CNTNAP5: variants seen among roughly 807,000 people sequenced by gnomAD.
The protein encoded by CNTNAP5 is contactin-associated protein-like 5.
CNTNAP5 carries 72 observed loss-of-function variants against 150.2 expected under a neutral mutation model. That is an observed-to-expected ratio of 0.48 (90% CI 0.40 to 0.58). The LOEUF is 0.58. Ranked by LOEUF, CNTNAP5 falls within the 20% of genes least tolerant of loss-of-function variation. The pLI, the probability that CNTNAP5 is intolerant of heterozygous loss-of-function variation, is 0.00. For synonymous variants in CNTNAP5, 672 were observed against 619.8 expected (o/e 1.08, Z -1.25); for missense variants, 1,636 against 1,626.2 (o/e 1.01, Z -0.10).
chr2:124,090,779 A>G (rs2104685783), intron 1 of CNTNAP5, among the ~76,000 whole-genome samples: 1 of 152,328 alleles, frequency 6.6e-6, no homozygotes, highest in African/African-American at 2.4e-5. Flanking sequence ...TTTTCAAACC[A>G]TTATTATCAG....
chr2:124,025,384 G>C lies in CNTNAP5; in HGVS notation c.-267G>C, dbSNP rs1680851275. 5.7e-6 allele frequency: 3 copies of C among 527,388 alleles called. No homozygotes were observed. The highest frequency in any genetic ancestry group is 3.1e-5 in the Admixed American group (1 of 31,794). The allele number at this position is 527,388 out of a possible 1,614,324, so 32.7% of individuals were successfully genotyped here. Reference sequence around the variant, plus strand: ...GTTTGGATTTGCACCGTTAAGGAGGGGGGAAGAGAAGGAAGAGGCGGGCGA... The same window carrying C: ...GTTTGGATTTGCACCGTTAAGGAGGCGGGAAGAGAAGGAAGAGGCGGGCGA... On this transcript the variant is annotated 5_prime_UTR_variant, in exon 1 of 24. Transcript: ENST00000682447.
At chr2:124,468,998 C>T (rs942146521) in intron 6 of CNTNAP5, among the ~76,000 whole-genome samples, 5 of 152,216 alleles carry the variant, frequency 3.3e-5, no homozygotes, top group Non-Finnish European at 7.3e-5. Context: ...ATGGGTACTT[C>T]TGGAGGCAGT....
chr2:124,772,000 A>G (rs1477596275), intron 16 of CNTNAP5, among the ~76,000 whole-genome samples: 1 of 151,268 alleles, frequency 6.6e-6, no homozygotes, highest in Non-Finnish European at 1.5e-5. Flanking sequence ...CACCACCACC[A>G]TCACCATCAT....
chr2:124,727,298 T>C (rs1680178179), intron 13 of CNTNAP5, among the ~76,000 whole-genome samples: 1 of 152,066 alleles, frequency 6.6e-6, no homozygotes, highest in Admixed American at 6.6e-5. Flanking sequence ...AGGATTGATT[T>C]GACTATTCAG....
chr2:124,302,758 A>T (rs1191691577), intron 3 of CNTNAP5, among the ~76,000 whole-genome samples: 1 of 152,178 alleles, frequency 6.6e-6, no homozygotes, highest in African/African-American at 2.4e-5. Flanking sequence ...TGTCATCTGT[A>T]GATTTGGCTC....
chr2:124,870,375 G>A (rs1413481402), intron 21 of CNTNAP5, among the ~76,000 whole-genome samples: 1 of 151,650 alleles, frequency 6.6e-6, no homozygotes. Flanking sequence ...CTTAGTGTTT[G>A]CCTGGCCTCT....
chr2:124,356,248 T>G (rs1252185775), intron 3 of CNTNAP5, among the ~76,000 whole-genome samples: 1 of 151,948 alleles, frequency 6.6e-6, no homozygotes, highest in East Asian at 1.9e-4. Flanking sequence ...CTCAATTATC[T>G]TAACACTTTA....
At chr2:124,424,354 C>T (rs1392632493) in intron 4 of CNTNAP5, among the ~76,000 whole-genome samples, 1 of 152,170 alleles carries the variant, frequency 6.6e-6, no homozygotes, top group Non-Finnish European at 1.5e-5. Context: ...TCTGTCAGCC[C>T]TCCAAGTGGG....
chr2:124,732,506 A>G (rs1680293258), intron 13 of CNTNAP5, among the ~76,000 whole-genome samples: 1 of 152,054 alleles, frequency 6.6e-6, no homozygotes, highest in Admixed American at 6.6e-5. Flanking sequence ...AAGCCCTTCT[A>G]CCTCGCAAGG....
intron 3 of CNTNAP5, among the ~76,000 whole-genome samples, chr2:124,266,754 T>C (rs1485843926): frequency 6.6e-6 from 1 of 152,174 alleles, no homozygotes; most frequent in Non-Finnish European, 1.5e-5. Flanking sequence ...TGGTCTTCAG[T>C]GCAGATGGAG....
chr2:124,356,350 A>G (rs1690005140), intron 3 of CNTNAP5, among the ~76,000 whole-genome samples: 1 of 149,706 alleles, frequency 6.7e-6, no homozygotes. Flanking sequence ...GTACATGTGC[A>G]CATTGTGCAG....
Position 124,558,450 on chromosome 2 carries a change from C to T in CNTNAP5, c.1650-4767C>T, listed in dbSNP as rs182636227. 1.9e-3 allele frequency among the ~76,000 whole-genome samples: 15 copies of T among 7,848 alleles called. No homozygotes were observed. The East Asian group carries it at 0.063, about 33-fold the overall frequency. 5.1% of individuals were successfully genotyped at this position (7,848 alleles called of 152,430 possible). ...TGGAAAGTAATATCTATTAGACACC[C>T]ACGTGGAGCTGTCCAGCAGACAGCT... On this transcript the variant is annotated intron_variant, in intron 10 of 23. Coordinates refer to ENST00000682447, the MANE Select transcript of CNTNAP5 (RefSeq NM_001367498.1).
At chr2:124,111,086 C>A (rs1683287290) in intron 1 of CNTNAP5, among the ~76,000 whole-genome samples, 1 of 152,092 alleles carries the variant, frequency 6.6e-6, no homozygotes, top group Non-Finnish European at 1.5e-5. Flanking sequence ...ATAAATACTG[C>A]TGGATGGAGC....
intron 3 of CNTNAP5, among the ~76,000 whole-genome samples, chr2:124,286,637 A>G (rs1688158613): frequency 2.0e-5 from 3 of 152,154 alleles, no homozygotes; most frequent in Admixed American, 1.3e-4. Context: ...TGAATTTCCA[A>G]AAAGCCCCCA....
chr2:124,369,874 G>T lies in CNTNAP5; in HGVS notation c.382-47569G>T, dbSNP rs185936206. ...GAAAGAGCACAGAAATTTATAATCA[G>T]AGCAATCTGGGGTCAGTTTCACTAG... is the stretch of plus-strand genomic sequence containing the variant. On this transcript the variant is annotated intron_variant, in intron 3 of 23. Coordinates refer to ENST00000682447, the MANE Select transcript of CNTNAP5 (RefSeq NM_001367498.1). Among the ~76,000 whole-genome samples the T allele has an allele frequency of 2.9e-3, 441 of 152,214 alleles. 1 individual carries two copies. Among genetic ancestry groups the T allele is most frequent in the Non-Finnish European group, 4.7e-3 (321 of 68,004 alleles).
At chr2:124,910,100 C>T (rs1024921832) in intron 22 of CNTNAP5, among the ~76,000 whole-genome samples, 2 of 151,860 alleles carry the variant, frequency 1.3e-5, no homozygotes, top group South Asian at 4.2e-4. Flanking sequence ...TAGGAAAAGG[C>T]CACCCCTGGA....
At chr2:124,329,013 G>A (rs1689285831) in intron 3 of CNTNAP5, among the ~76,000 whole-genome samples, 1 of 152,174 alleles carries the variant, frequency 6.6e-6, no homozygotes, top group South Asian at 2.1e-4. Flanking sequence ...TCGTAGGCAA[G>A]AAGGAGACAG....
At chr2:124,332,479 C>T (rs893811847) in intron 3 of CNTNAP5, among the ~76,000 whole-genome samples, 15 of 151,258 alleles carry the variant, frequency 9.9e-5, no homozygotes, top group Admixed American at 5.9e-4. Context: ...TGGAATAGTA[C>T]ATATTTACTA....
In CNTNAP5 at chr2:124,326,923, T is replaced by G. The variant is rs147154849; in HGVS notation, c.381+84530T>G. 8.7e-3 allele frequency among the ~76,000 whole-genome samples: 1,312 copies of G among 150,848 alleles called. 5 individuals are homozygous for G. Among genetic ancestry groups the G allele is most frequent in the Non-Finnish European group, 0.013 (851 of 67,810 alleles). Reference sequence around the variant, plus strand: ...AGTAGAGGTTACAGTGAGCCAAGATTGAGATTGTACCACTGCACTACAGCC... The same window carrying G: ...AGTAGAGGTTACAGTGAGCCAAGATGGAGATTGTACCACTGCACTACAGCC... On this transcript the variant is annotated intron_variant, in intron 3 of 23. Transcript: ENST00000682447.
Sources: gnomAD v4.1 joint callset for allele counts (sites outside exome capture counted in the v4.1 genomes callset) on GRCh38, gnomAD v4.1.1 for gene constraint, MANE v1.5 for transcripts, NCBI Gene and HGNC (gene_info 2026-07-23, HGNC 2026-07-21) for gene names.